The following CIAPIN1 variants were observed in gnomAD, a reference collection of about 807,000 sequenced individuals.
CIAPIN1 encodes anamorsin.
CIAPIN1 carries 18 observed loss-of-function variants against 34.3 expected under a neutral mutation model. The observed-to-expected ratio is 0.52, with a 90% CI of 0.36 to 0.78. The LOEUF is 0.78. Among genes scored for constraint, CIAPIN1 ranks in the 30% least tolerant of loss-of-function variants. The probability of loss-of-function intolerance (pLI) is 0.00; values close to 1 mark genes in which losing one functional copy is unlikely to be tolerated. For synonymous variants in CIAPIN1, 131 were observed against 140.4 expected (o/e 0.93, Z 0.47); for missense variants, 310 against 372.5 (o/e 0.83, Z 1.38).
At chr16:57,433,523 C>CTGAG (rs1555513050) in intron 5 of CIAPIN1, 1 of 155,732 alleles carries the variant, frequency 6.4e-6, no homozygotes, top group African/African-American at 2.5e-5. Flanking sequence ...GAGGATGGAG[C>CTGAG]TGTGTGTGTG....
Position 57,430,273 on chromosome 16 carries a change from C to T in CIAPIN1, c.813G>A (p.Lys271=), listed in dbSNP as rs1903057328. 2.5e-6 allele frequency: 4 copies of T among 1,614,160 alleles called. No individual in the cohort carries two copies. The East Asian group carries it at 8.9e-5, about 36-fold the overall frequency. ...KSREQMSSQP[K]SACGNCYLGD... is the part of the protein sequence containing the mutation. ...TGATATTTACGTTTCCACAAGCTGA[C>T]TTGGGTTGGGAGCTCATCTGTTCCC... The change falls in exon 8 of 9, where the codon AAG becomes AAA. Residue 271 remains lysine, a synonymous_variant. Transcript: ENST00000394391.
chr16:57,434,293 G>A (rs1018611652), intron 4 of CIAPIN1, 81 bp from the exon 5 acceptor site: 20 of 1,352,174 alleles, frequency 1.5e-5, no homozygotes, highest in Non-Finnish European at 2.0e-5. Flanking sequence ...AGGAGTCAAA[G>A]ACTCATTTCT....
Position 57,431,397 on chromosome 16 carries a change from T to C in CIAPIN1, c.631-131A>G, listed in dbSNP as rs1903084411. ...GGTGTCCACCCTGTCCTCCTTTTGGTTGATCATCATGTTCAACCTGACCAC... is the reference window on the plus strand; with the variant it reads ...GGTGTCCACCCTGTCCTCCTTTTGGCTGATCATCATGTTCAACCTGACCAC... On this transcript the variant is annotated intron_variant, in intron 6 of 8. Coordinates refer to ENST00000394391, the MANE Select transcript of CIAPIN1 (RefSeq NM_020313.4). 6.9e-6 allele frequency: 4 copies of C among 579,824 alleles called. No individual in the cohort carries two copies. In the East Asian group the frequency reaches 1.1e-4, roughly 16 times the overall value. The allele number at this position is 579,824 out of a possible 1,614,324, so 35.9% of individuals were successfully genotyped here. A position where few individuals can be genotyped will look rare whatever the true frequency, so the allele number is the denominator to read the frequency against.
intron 5 of CIAPIN1, among the ~76,000 whole-genome samples, chr16:57,433,461 A>G (rs1330838845): frequency 6.6e-6 from 1 of 152,232 alleles, no homozygotes; most frequent in Admixed American, 6.5e-5. Context: ...TAATGTCTGC[A>G]TACCTCACAG....
chr16:57,429,636 C>T (rs553062777), intron 8 of CIAPIN1, among the ~76,000 whole-genome samples: 143 of 151,860 alleles, frequency 9.4e-4, no homozygotes, highest in Non-Finnish European at 1.5e-3. Context: ...GGACTACAGG[C>T]GCCCGCTACC....
chr16:57,429,570 C>T (rs1020794654), intron 8 of CIAPIN1, among the ~76,000 whole-genome samples: 1 of 151,702 alleles, frequency 6.6e-6, no homozygotes, highest in Non-Finnish European at 1.5e-5. Context: ...CAGCTCACTG[C>T]AAGCTTCGCC....
chr16:57,432,034 C>A (rs187675279), intron 6 of CIAPIN1, among the ~76,000 whole-genome samples: 143 of 151,662 alleles, frequency 9.4e-4, no homozygotes, highest in African/African-American at 3.2e-3. Flanking sequence ...CCAACATGGC[C>A]AAGCGCAGTG....
intron 3 of CIAPIN1, among the ~76,000 whole-genome samples, chr16:57,438,312 A>G (rs193063312): frequency 2.0e-5 from 3 of 152,364 alleles, no homozygotes; most frequent in African/African-American, 7.2e-5. Flanking sequence ...CTTCATGAAC[A>G]CTGTCATTAG....
chr16:57,429,668 A>AT lies in CIAPIN1; in HGVS notation c.829-389dup, dbSNP rs1420249074. ...TACCATGCCCGGCAAATTTTTTTGTATTTTTAGTAGAGACGGGGTTTCACC... is the reference window on the plus strand; with the variant it reads ...TACCATGCCCGGCAAATTTTTTTGTATTTTTTAGTAGAGACGGGGTTTCACC... On this transcript the variant is annotated intron_variant, in intron 8 of 8. Coordinates refer to ENST00000394391, the MANE Select transcript of CIAPIN1 (RefSeq NM_020313.4). Among the ~76,000 whole-genome samples, 3 of 151,494 alleles carry AT rather than the reference A, an allele frequency of 2.0e-5. No individual in the cohort carries two copies. The South Asian group carries it at 6.2e-4, about 32-fold the overall frequency.
At chr16:57,431,091 T>C (rs1197517025) in intron 7 of CIAPIN1, 60 bp downstream of exon 7, 5 of 962,764 alleles carry the variant, frequency 5.2e-6, no homozygotes, top group East Asian at 2.4e-5. Context: ...AGCACCGCGA[T>C]GTCTTCAGCA....
chr16:57,432,463 C>T (rs778394700), intron 6 of CIAPIN1, 24 bp downstream of exon 6: 1 of 1,610,956 alleles, frequency 6.2e-7, no homozygotes, highest in Non-Finnish European at 8.5e-7. Context: ...AGAAAGCAAT[C>T]AAGTGACAAT....
chr16:57,436,620 C>T (rs1327846083), intron 4 of CIAPIN1, 36 bp downstream of exon 4: 2 of 1,505,476 alleles, frequency 1.3e-6, no homozygotes, highest in African/African-American at 2.7e-5. Flanking sequence ...ATTACCTCAC[C>T]TGCAGGGCAG....
At chr16:57,429,696 G>GTTA (rs1288953056) in intron 8 of CIAPIN1, among the ~76,000 whole-genome samples, 1 of 152,000 alleles carries the variant, frequency 6.6e-6, no homozygotes, top group South Asian at 2.1e-4. Flanking sequence ...GTTTCACCAT[G>GTTA]TTAGCCAGGA....
intron 3 of CIAPIN1, among the ~76,000 whole-genome samples, chr16:57,437,619 G>A (rs1903233755): frequency 6.6e-6 from 1 of 151,968 alleles, no homozygotes; most frequent in Non-Finnish European, 1.5e-5. Context: ...GACCTCCCAG[G>A]TTCAAGCAAT....
At chr16:57,437,653 G>GT (rs1346605706) in intron 3 of CIAPIN1, among the ~76,000 whole-genome samples, 5 of 151,992 alleles carry the variant, frequency 3.3e-5, no homozygotes, top group African/African-American at 1.2e-4. Flanking sequence ...CCCCCACCAA[G>GT]TAGCTGGGGT....
chr16:57,430,344 G>T lies in CIAPIN1; in HGVS notation c.747-5C>A. ...TCTTCGGCAAGGCCACAGGTGCTGC[G>T]GGAAAATCAGTAACTAATGAACGAG... On this transcript the variant is annotated splice_polypyrimidine_tract_variant and splice_region_variant and intron_variant, in intron 7 of 8. Transcript: ENST00000394391. The T allele has an allele frequency of 3.1e-6, 5 of 1,613,984 alleles. No homozygotes were observed. Among genetic ancestry groups the T allele is most frequent in the Non-Finnish European group, 4.2e-6 (5 of 1,179,850 alleles).
chr16:57,440,970 A>G lies in CIAPIN1; in HGVS notation c.-42T>C, dbSNP rs1422219676. On this transcript the variant is annotated 5_prime_UTR_variant, in exon 2 of 9. Transcript: ENST00000394391. The stretch of plus-strand genomic sequence containing the variant: ...TGACAGACCTAAAAACTGCTGGCCA[A>G]AAGGGAATCAAGACTGGGCAGAGAC... 6.3e-7 allele frequency: 1 copy of G among 1,591,912 alleles called. No individual in the cohort carries two copies. The highest frequency in any genetic ancestry group is 8.5e-7 in the Non-Finnish European group (1 of 1,171,252).
chr16:57,440,546 T>C (rs1903306420), intron 2 of CIAPIN1, among the ~76,000 whole-genome samples: 1 of 152,174 alleles, frequency 6.6e-6, no homozygotes, highest in Non-Finnish European at 1.5e-5. Context: ...ACTCTTTCCC[T>C]TTATTTCTCA....
chr16:57,431,761 C>G (rs1231260143), intron 6 of CIAPIN1, among the ~76,000 whole-genome samples: 1 of 152,196 alleles, frequency 6.6e-6, no homozygotes, highest in South Asian at 2.1e-4. Flanking sequence ...GCATGAACCT[C>G]ACTTATTTTG....
Sources: allele counts gnomAD v4.1 joint callset (sites outside exome capture counted in the v4.1 genomes callset), GRCh38; gene constraint gnomAD v4.1.1; transcripts MANE v1.5; gene names NCBI Gene and HGNC (gene_info 2026-07-23, HGNC 2026-07-21).